The following PPP2R2B variants were observed in gnomAD, a reference collection of about 807,000 sequenced individuals.
The protein encoded by PPP2R2B is serine/threonine-protein phosphatase 2A 55 kDa regulatory subunit B beta isoform.
Under a neutral mutation model 46.0 loss-of-function variants are expected in PPP2R2B, and 5 were observed. That is an observed-to-expected ratio of 0.11 (90% CI 0.06 to 0.23). The LOEUF (loss-of-function observed/expected upper bound fraction) is 0.23. PPP2R2B is among the 10% of genes least tolerant of loss of function. The pLI, the probability that PPP2R2B is intolerant of heterozygous loss-of-function variation, is 1.00. For missense variants in PPP2R2B, 367 were observed against 575.0 expected (o/e 0.64, Z 3.70); for synonymous variants, 215 against 206.7 (o/e 1.04, Z -0.34).
chr5:146,926,662 T>C (rs1472642396), intron 1 of PPP2R2B, among the ~76,000 whole-genome samples: 1 of 152,198 alleles, frequency 6.6e-6, no homozygotes, highest in Non-Finnish European at 1.5e-5. Context: ...TTCCATCCTT[T>C]GCCCTTTTTC....
At chr5:146,730,075 C>G (rs1371286085) in intron 2 of PPP2R2B, among the ~76,000 whole-genome samples, 1 of 152,206 alleles carries the variant, frequency 6.6e-6, no homozygotes, top group Non-Finnish European at 1.5e-5. Flanking sequence ...GGAGGCTATA[C>G]CCTGCAAAGC....
intron 2 of PPP2R2B, among the ~76,000 whole-genome samples, chr5:146,817,476 T>C (rs192727335): frequency 1.1e-4 from 16 of 152,336 alleles, no homozygotes; most frequent in African/African-American, 3.6e-4. Context: ...TTAATATATG[T>C]GTGCATTGTG....
chr5:146,946,888 G>A (rs542303408), intron 1 of PPP2R2B, among the ~76,000 whole-genome samples: 1 of 152,132 alleles, frequency 6.6e-6, no homozygotes, highest in South Asian at 2.1e-4. Flanking sequence ...GTAGGGGTGG[G>A]GGTATCCGTT....
chr5:146,786,821 G>A (rs531857457), intron 2 of PPP2R2B, among the ~76,000 whole-genome samples: 17 of 152,126 alleles, frequency 1.1e-4, no homozygotes, highest in Admixed American at 7.9e-4. Context: ...AGATGAAGTT[G>A]CCTGAAAGCA....
intron 6 of PPP2R2B, among the ~76,000 whole-genome samples, chr5:146,649,896 T>A (rs1775841792): frequency 1.3e-5 from 2 of 152,210 alleles, no homozygotes; most frequent in Non-Finnish European, 2.9e-5. Flanking sequence ...TGTTTCTGGA[T>A]GTCAATGCTG....
chr5:146,589,624 C>T lies in PPP2R2B; in HGVS notation c.*323G>A. On this transcript the variant is annotated 3_prime_UTR_variant, in exon 10 of 10. Transcript: ENST00000394411. ...TACTACAGACAACCTCATTTTATCG[C>T]AGCAGACACCTAGGAACAAAACACT... The T allele has an allele frequency of 4.1e-6, 1 of 242,414 alleles. No individual in the cohort carries two copies. Among genetic ancestry groups the T allele is most frequent in the Non-Finnish European group, 8.0e-6 (1 of 125,704 alleles). 15.0% of individuals were successfully genotyped at this position (242,414 alleles called of 1,614,324 possible).
chr5:146,908,737 C>T (rs1763083351), intron 1 of PPP2R2B, among the ~76,000 whole-genome samples: 1 of 151,920 alleles, frequency 6.6e-6, no homozygotes, highest in South Asian at 2.1e-4. Flanking sequence ...TTCCAGCTTC[C>T]CCTCAATATA....
intron 1 of PPP2R2B, among the ~76,000 whole-genome samples, chr5:146,910,002 A>G (rs1036486594): frequency 3.9e-5 from 6 of 152,218 alleles, no homozygotes; most frequent in Admixed American, 2.0e-4. Flanking sequence ...TAAAATTAAT[A>G]GGAAAAACCT....
rs567358833 is a variant in PPP2R2B at position 146,934,457 on chromosome 5, T to C, written c.79+121208A>G. On this transcript the variant is annotated intron_variant, in intron 1 of 8. Transcript: ENST00000336640. The stretch of plus-strand genomic sequence containing the variant: ...GTGATGATAAGCATTTTTTCATGTG[T>C]TTTTTGGCTGCATAAATGTCTTCTT... 1.2e-3 allele frequency among the ~76,000 whole-genome samples: 186 copies of C among 151,618 alleles called. 1 individual carries two copies. The highest frequency in any genetic ancestry group is 3.9e-3 in the African/African-American group (163 of 41,382).
intron 2 of PPP2R2B, among the ~76,000 whole-genome samples, chr5:147,061,588 G>A (rs1021468569): frequency 2.0e-5 from 3 of 152,296 alleles, no homozygotes; most frequent in African/African-American, 7.2e-5. Flanking sequence ...GAGCAGTCAG[G>A]AGTGACTTGA....
At chr5:146,806,051 C>T (rs906395272) in intron 2 of PPP2R2B, among the ~76,000 whole-genome samples, 4 of 152,274 alleles carry the variant, frequency 2.6e-5, no homozygotes, top group African/African-American at 4.8e-5. Context: ...TTGCAGATAA[C>T]ATTTTACTCA....
chr5:146,991,194 C>T (rs1208428436), intron 1 of PPP2R2B, among the ~76,000 whole-genome samples: 1 of 152,020 alleles, frequency 6.6e-6, no homozygotes, highest in Non-Finnish European at 1.5e-5. Context: ...ATAGAGCTAC[C>T]ATATGATCCA....
At chr5:146,943,616 A>G (rs1561533351) in intron 1 of PPP2R2B, among the ~76,000 whole-genome samples, 1 of 152,156 alleles carries the variant, frequency 6.6e-6, no homozygotes, top group African/African-American at 2.4e-5. Flanking sequence ...CTTGCCAACC[A>G]TCTTTCAACT....
intron 1 of PPP2R2B, among the ~76,000 whole-genome samples, chr5:146,927,210 A>G (rs1343593147): frequency 6.6e-6 from 1 of 152,118 alleles, no homozygotes; most frequent in Middle Eastern, 3.2e-3. Flanking sequence ...CAAATAGTTG[A>G]AGTTTCCAAC....
At chr5:146,955,856 GCA>G (rs1260471171) in intron 1 of PPP2R2B, among the ~76,000 whole-genome samples, 5 of 142,498 alleles carry the variant, frequency 3.5e-5, no homozygotes, top group Non-Finnish European at 7.4e-5. Flanking sequence ...TCGTCTCACT[GCA>G]GTCTCTACCT....
chr5:147,066,561 T>C (rs796966195), intron 2 of PPP2R2B, among the ~76,000 whole-genome samples: 92 of 152,290 alleles, frequency 6.0e-4, no homozygotes, highest in African/African-American at 2.1e-3. Context: ...TTAGAAAGTG[T>C]TTGACACACC....
intron 1 of PPP2R2B, among the ~76,000 whole-genome samples, chr5:146,956,919 A>C (rs954091119): frequency 1.1e-4 from 16 of 152,106 alleles, no homozygotes; most frequent in Non-Finnish European, 1.6e-4. Context: ...ATTTATTAGG[A>C]TTCTATCTTC....
At chr5:146,983,176 A>ATTTTTTTTTTTTTT (rs745692719) in intron 1 of PPP2R2B, among the ~76,000 whole-genome samples, 7 of 80,854 alleles carry the variant, frequency 8.7e-5, no homozygotes, top group East Asian at 3.7e-4. Flanking sequence ...TTTCCAGAGC[A>ATTTTTTTTTTTTTT]TTTTTTTTTT....
intron 5 of PPP2R2B, among the ~76,000 whole-genome samples, chr5:146,668,405 T>A (rs1380034113): frequency 6.6e-6 from 1 of 152,222 alleles, no homozygotes; most frequent in Non-Finnish European, 1.5e-5. Context: ...TGAACCCATT[T>A]ATGTAATTCT....
Sources: allele counts gnomAD v4.1 joint callset (sites outside exome capture counted in the v4.1 genomes callset), GRCh38; gene constraint gnomAD v4.1.1; transcripts MANE v1.5; gene names NCBI Gene and HGNC (gene_info 2026-07-23, HGNC 2026-07-21).